Variants in TTC23L observed in about 807,000 individuals in gnomAD.
TTC23L encodes the protein tetratricopeptide repeat protein 23-like.
TTC23L carries 42 observed loss-of-function variants against 48.1 expected under a neutral mutation model. The observed-to-expected ratio is 0.87, with a 90% CI of 0.68 to 1.13. The LOEUF is 1.13. TTC23L is among the 50% of genes most tolerant of loss of function. The pLI is 0.00. For missense variants in TTC23L, 391 were observed against 421.0 expected (o/e 0.93, Z 0.62); for synonymous variants, 159 against 157.2 (o/e 1.01, Z -0.09).
intron 2 of TTC23L, among the ~76,000 whole-genome samples, chr5:34,842,776 T>G (rs1039744460): frequency 6.6e-6 from 1 of 152,206 alleles, no homozygotes; most frequent in Non-Finnish European, 1.5e-5. Context: ...GATAAACAGT[T>G]TGCTGTTTGA....
intron 1 of TTC23L, among the ~76,000 whole-genome samples, chr5:34,840,193 G>T (rs1002819853): frequency 3.7e-5 from 5 of 134,448 alleles, no homozygotes; most frequent in African/African-American, 1.4e-4. Context: ...TACCCGCCTC[G>T]TGACCCCTGT....
intron 9 of TTC23L, among the ~76,000 whole-genome samples, chr5:34,892,015 T>C (rs1762896135): frequency 6.6e-6 from 1 of 152,368 alleles, no homozygotes; most frequent in South Asian, 2.1e-4. Flanking sequence ...AGAAGGTTTT[T>C]CTTTCCCTGA....
chr5:34,892,233 T>C (rs894370663), intron 9 of TTC23L, among the ~76,000 whole-genome samples: 5 of 152,214 alleles, frequency 3.3e-5, no homozygotes, highest in South Asian at 2.1e-4. Flanking sequence ...CGGAAACTCG[T>C]TGACTACACT....
intron 4 of TTC23L, among the ~76,000 whole-genome samples, chr5:34,861,812 T>C (rs1467563690): frequency 1.3e-5 from 2 of 152,124 alleles, no homozygotes; most frequent in Admixed American, 1.3e-4. Flanking sequence ...GTGAATGTGT[T>C]TACCAGCCCC....
intron 9 of TTC23L, chr5:34,880,670 T>C: frequency 2.5e-6 from 1 of 407,564 alleles, no homozygotes; most frequent in Admixed American, 3.0e-5. Context: ...TGAGACAGGG[T>C]CTCTGTCACC....
the TTC23L span, among the ~76,000 whole-genome samples, chr5:34,910,536 T>G: frequency 6.6e-6 from 1 of 152,030 alleles, no homozygotes; most frequent in Non-Finnish European, 1.5e-5. Context: ...CAAGTGATTC[T>G]CCCACCTCAG....
the TTC23L span, among the ~76,000 whole-genome samples, chr5:34,915,133 G>A: frequency 6.6e-6 from 1 of 152,170 alleles, no homozygotes; most frequent in East Asian, 1.9e-4. Flanking sequence ...CTAAGCTACG[G>A]TTTCCTCGTC....
chr5:34,919,792 T>A, the TTC23L span: 1 of 617,440 alleles, frequency 1.6e-6, no homozygotes, highest in Non-Finnish European at 2.7e-6. Context: ...GAAATAACTT[T>A]GAAATCACCT....
At chr5:34,860,262 G>A (rs1162386034) in intron 4 of TTC23L, among the ~76,000 whole-genome samples, 1 of 152,042 alleles carries the variant, frequency 6.6e-6, no homozygotes, top group African/African-American at 2.4e-5. Context: ...ACACACACTT[G>A]CTTGTTCTGT....
At chr5:34,870,252 G>A (rs1761361662) in intron 8 of TTC23L, among the ~76,000 whole-genome samples, 2 of 151,756 alleles carry the variant, frequency 1.3e-5, no homozygotes, top group African/African-American at 4.8e-5. Flanking sequence ...ATACAGTACT[G>A]GAAAACAAAT....
intron 4 of TTC23L, among the ~76,000 whole-genome samples, chr5:34,859,682 G>T (rs336468): frequency 0.44 from 67,162 of 151,748 alleles, 15,090 homozygotes; most frequent in Admixed American, 0.52. Flanking sequence ...AGACTTTTCA[G>T]CCTCCAGAAC....
At chr5:34,922,767 C>G in the TTC23L span, 60 of 1,613,276 alleles carry the variant, frequency 3.7e-5, no homozygotes, top group Admixed American at 8.3e-5. Context: ...TCTTTTGACC[C>G]TGTAAGTTTC....
chr5:34,851,883 CAG>C (rs200592871), intron 4 of TTC23L, among the ~76,000 whole-genome samples: 4 of 152,074 alleles, frequency 2.6e-5, no homozygotes, highest in East Asian at 3.9e-4. Flanking sequence ...TAGGAGCACA[CAG>C]GGGTCTTATG....
chr5:34,876,121 G>T (rs1263017154), intron 8 of TTC23L, among the ~76,000 whole-genome samples: 2 of 151,998 alleles, frequency 1.3e-5, no homozygotes, highest in Non-Finnish European at 2.9e-5. Flanking sequence ...AAAATTTGTG[G>T]GATGCAGCAA....
chr5:34,853,886 G>A (rs903788748), intron 4 of TTC23L, among the ~76,000 whole-genome samples: 2 of 152,194 alleles, frequency 1.3e-5, no homozygotes, highest in Non-Finnish European at 2.9e-5. Context: ...AACTTGAGGT[G>A]ATGAACTTGA....
intron 9 of TTC23L, among the ~76,000 whole-genome samples, chr5:34,891,138 A>C (rs950187985): frequency 4.6e-5 from 7 of 152,252 alleles, no homozygotes; most frequent in African/African-American, 1.7e-4. Context: ...AATAGTAATA[A>C]TAACAATTCT....
the TTC23L span, chr5:34,924,736 A>T: frequency 1.6e-6 from 1 of 645,046 alleles, no homozygotes; most frequent in Admixed American, 2.7e-5. Flanking sequence ...CCCCACCTTG[A>T]TTTTATGGAT....
At chr5:34,856,050 G>C (rs1760106882) in intron 4 of TTC23L, among the ~76,000 whole-genome samples, 1 of 152,184 alleles carries the variant, frequency 6.6e-6, no homozygotes, top group Non-Finnish European at 1.5e-5. Flanking sequence ...GTTCGATTTG[G>C]GGTTGAGTGA....
At chr5:34,916,201 GT>G in the TTC23L span, 4 of 242,402 alleles carry the variant, frequency 1.7e-5, no homozygotes, top group Admixed American at 5.3e-5. Context: ...TTTTTTTAAT[GT>G]TTTTGGAGAG....
Sources: gnomAD v4.1 joint callset for allele counts (sites outside exome capture counted in the v4.1 genomes callset) on GRCh38, gnomAD v4.1.1 for gene constraint, MANE v1.5 for transcripts, NCBI Gene and HGNC (gene_info 2026-07-23, HGNC 2026-07-21) for gene names.